MSRA: variants seen among roughly 807,000 people sequenced by gnomAD.
The protein encoded by MSRA is methionine sulfoxide reductase A.
Under a neutral mutation model 31.3 loss-of-function variants are expected in MSRA, and 54 were observed. The ratio of observed to expected loss-of-function variants is 1.73; its 90% CI spans 1.39 to 2.17. The LOEUF is 2.17. MSRA is among the 30% of genes most tolerant of loss of function. The probability of loss-of-function intolerance (pLI) is 0.00; values close to 1 mark genes in which losing one functional copy is unlikely to be tolerated. For synonymous variants in MSRA, 169 were observed against 116.5 expected (o/e 1.45, Z -2.90); for missense variants, 507 against 300.9 (o/e 1.69, Z -5.07).
chr8:10,077,012 A>G (rs1221052589), intron 1 of MSRA, among the ~76,000 whole-genome samples: 1 of 149,934 alleles, frequency 6.7e-6, no homozygotes, highest in Non-Finnish European at 1.5e-5. Flanking sequence ...CTATGTAATA[A>G]ACCTGCACAT....
intron 1 of MSRA, among the ~76,000 whole-genome samples, chr8:10,189,344 C>G (rs542186131): frequency 6.6e-6 from 1 of 151,648 alleles, no homozygotes; most frequent in Admixed American, 6.6e-5. Context: ...ATTTCTTTTT[C>G]TTGCCTTTTT....
intron 2 of MSRA, among the ~76,000 whole-genome samples, chr8:10,240,823 A>G (rs1812345747): frequency 6.6e-6 from 1 of 151,618 alleles, no homozygotes; most frequent in Admixed American, 6.6e-5. Flanking sequence ...CAACCATTCA[A>G]CACCCCACCC....
intron 2 of MSRA, among the ~76,000 whole-genome samples, chr8:10,239,802 C>G (rs900095452): frequency 1.3e-5 from 2 of 152,222 alleles, no homozygotes; most frequent in Non-Finnish European, 2.9e-5. Context: ...TCCTGTTTCT[C>G]TCCTTTGCTT....
intron 1 of MSRA, among the ~76,000 whole-genome samples, chr8:10,060,939 A>C (rs1237678506): frequency 2.0e-5 from 3 of 152,246 alleles, no homozygotes; most frequent in African/African-American, 7.2e-5. Flanking sequence ...TTTTTAAAAG[A>C]AAATGATAGA....
intron 5 of MSRA, among the ~76,000 whole-genome samples, chr8:10,324,695 G>A (rs1585474355): frequency 6.6e-6 from 1 of 152,222 alleles, no homozygotes; most frequent in African/African-American, 2.4e-5. Context: ...AGGCTTGTGT[G>A]TGAGGATTCA....
chr8:10,124,535 A>C (rs1563123499), intron 1 of MSRA, among the ~76,000 whole-genome samples: 1 of 152,250 alleles, frequency 6.6e-6, no homozygotes, highest in Non-Finnish European at 1.5e-5. Context: ...AATTGGAGCT[A>C]GGACTCACTT....
rs531997401 is a variant in MSRA, at chr8:10,100,733, T to G, written c.142+46075T>G. The stretch of plus-strand genomic sequence containing the variant: ...TGGCCGTGAGTTGTGCTCAGGTTAT[T>G]TTATTTCTCCAAAAGCAAGCAGAAA... On this transcript the variant is annotated intron_variant, in intron 1 of 5. Coordinates refer to ENST00000317173, the MANE Select transcript of MSRA (RefSeq NM_012331.5). 2.0e-5 allele frequency among the ~76,000 whole-genome samples: 3 copies of G among 152,254 alleles called. No homozygotes were observed. In the East Asian group the frequency reaches 5.8e-4, roughly 29 times the overall value.
chr8:10,189,361 G>A (rs1807322625), intron 1 of MSRA, among the ~76,000 whole-genome samples: 1 of 151,722 alleles, frequency 6.6e-6, no homozygotes, highest in Admixed American at 6.6e-5. Context: ...TTTTTGAACT[G>A]ACTAGGACCT....
chr8:10,166,356 A>T (rs1257108856), intron 1 of MSRA, among the ~76,000 whole-genome samples: 1 of 152,186 alleles, frequency 6.6e-6, no homozygotes, highest in African/African-American at 2.4e-5. Context: ...GTGTTTGCAT[A>T]ACTGCATGCA....
intron 5 of MSRA, among the ~76,000 whole-genome samples, chr8:10,387,201 C>A (rs1806449029): frequency 1.3e-5 from 2 of 152,214 alleles, no homozygotes; most frequent in African/African-American, 4.8e-5. Context: ...TTTAACCTCT[C>A]TCCACCTCCT....
intron 5 of MSRA, among the ~76,000 whole-genome samples, chr8:10,398,884 A>T (rs1311806437): frequency 6.6e-6 from 1 of 152,184 alleles, no homozygotes; most frequent in African/African-American, 2.4e-5. Context: ...TAGCATTAGG[A>T]GTGGTGGGGC....
chr8:10,415,489 T>C (rs1808402047), intron 5 of MSRA, among the ~76,000 whole-genome samples: 2 of 152,088 alleles, frequency 1.3e-5, no homozygotes, highest in Non-Finnish European at 2.9e-5. Flanking sequence ...ACCACTGTGA[T>C]TGCAGGCGAT....
At chr8:10,423,887 C>G (rs1238399486) in intron 5 of MSRA, among the ~76,000 whole-genome samples, 1 of 152,100 alleles carries the variant, frequency 6.6e-6, no homozygotes, top group Non-Finnish European at 1.5e-5. Context: ...CAGGAGATCC[C>G]AAGAATCCAT....
chr8:10,279,168 G>A (rs902636210), intron 3 of MSRA, among the ~76,000 whole-genome samples: 3 of 152,174 alleles, frequency 2.0e-5, no homozygotes, highest in African/African-American at 7.2e-5. Context: ...CTCTTCATTA[G>A]TAAAAGTAGG....
At chr8:10,398,485 G>C (rs1469932142) in intron 5 of MSRA, among the ~76,000 whole-genome samples, 3 of 152,200 alleles carry the variant, frequency 2.0e-5, no homozygotes, top group Admixed American at 2.0e-4. Flanking sequence ...GTCCCTCAGA[G>C]GGCTTGACTA....
chr8:10,426,184 C>T (rs1033949595), intron 5 of MSRA, among the ~76,000 whole-genome samples: 2 of 152,178 alleles, frequency 1.3e-5, no homozygotes, highest in African/African-American at 4.8e-5. Context: ...TTAGCCAACC[C>T]CACGTGCTCA....
intron 3 of MSRA, among the ~76,000 whole-genome samples, chr8:10,248,923 A>C (rs1181000354): frequency 6.6e-6 from 1 of 152,174 alleles, no homozygotes; most frequent in Non-Finnish European, 1.5e-5. Flanking sequence ...CACAGTGGAG[A>C]TGGACAGTCA....
intron 1 of MSRA, among the ~76,000 whole-genome samples, chr8:10,110,314 C>G (rs778121571): frequency 2.0e-5 from 3 of 152,142 alleles, no homozygotes; most frequent in Non-Finnish European, 4.4e-5. Flanking sequence ...TTTATTATTT[C>G]TGGATATTTT....
intron 4 of MSRA, among the ~76,000 whole-genome samples, chr8:10,306,232 C>G (rs576867354): frequency 6.6e-6 from 1 of 152,240 alleles, no homozygotes; most frequent in South Asian, 2.1e-4. Flanking sequence ...CTCCATTTTT[C>G]TCATCTACAG....
Sources: allele counts gnomAD v4.1 joint callset (sites outside exome capture counted in the v4.1 genomes callset), GRCh38; gene constraint gnomAD v4.1.1; transcripts MANE v1.5; gene names NCBI Gene and HGNC (gene_info 2026-07-23, HGNC 2026-07-21).